DGKI: variants seen among roughly 807,000 people sequenced by gnomAD.
DGKI encodes DAG kinase iota.
DGKI carries 55 observed loss-of-function variants against 147.5 expected under a neutral mutation model. That is an observed-to-expected ratio of 0.37 (90% CI 0.30 to 0.47). DGKI has a LOEUF of 0.47. Among genes scored for constraint, DGKI ranks in the 20% least tolerant of loss-of-function variants. The pLI, the probability that DGKI is intolerant of heterozygous loss-of-function variation, is 1.00. For synonymous variants in DGKI, 469 were observed against 477.1 expected, an observed-to-expected ratio of 0.98 and a Z score of 0.22; for missense variants, 1,007 against 1,323.8, an observed-to-expected ratio of 0.76 and a Z score of 3.71.
intron 17 of DGKI, among the ~76,000 whole-genome samples, chr7:137,573,353 T>C (rs1818856698): frequency 6.6e-6 from 1 of 152,252 alleles, no homozygotes; most frequent in Non-Finnish European, 1.5e-5. Context: ...AAAAAGTCTA[T>C]GTACCGCAAA....
Position 137,779,282 on chromosome 7 carries a change from T to C in DGKI, c.401+67180A>G, listed in dbSNP as rs577857426. 1.5e-4 allele frequency among the ~76,000 whole-genome samples: 21 copies of C among 142,430 alleles called. No individual in the cohort carries two copies. The South Asian group carries it at 4.1e-3, about 28-fold the overall frequency. 93.4% of individuals were successfully genotyped at this position (142,430 alleles called of 152,430 possible). On this transcript the variant is annotated intron_variant, in intron 1 of 32. Transcript: ENST00000614521. The stretch of plus-strand genomic sequence containing the variant: ...ATGCTGGAACAGCTAGATGTTCATA[T>C]GGAAAAAAAAAGAATGAACCTCAAC...
chr7:137,400,236 T>C (rs116178816), intron 30 of DGKI, among the ~76,000 whole-genome samples: 1 of 152,334 alleles, frequency 6.6e-6, no homozygotes, highest in African/African-American at 2.4e-5. Context: ...ATGGTCCTCT[T>C]AAAGAGTGCC....
At chr7:137,636,574 A>C (rs983899925) in intron 6 of DGKI, among the ~76,000 whole-genome samples, 1 of 152,086 alleles carries the variant, frequency 6.6e-6, no homozygotes, top group African/African-American at 2.4e-5. Flanking sequence ...AGAGTCTTGG[A>C]AGCTGAAGGT....
At chr7:137,571,858 GA>G (rs1486684274) in intron 18 of DGKI, among the ~76,000 whole-genome samples, 1 of 151,936 alleles carries the variant, frequency 6.6e-6, no homozygotes, top group African/African-American at 2.4e-5. Flanking sequence ...AGAAAAGACA[GA>G]AGAAGGACAA....
intron 21 of DGKI, among the ~76,000 whole-genome samples, chr7:137,505,446 T>C (rs1448565829): frequency 6.6e-6 from 1 of 152,180 alleles, no homozygotes; most frequent in African/African-American, 2.4e-5. Context: ...TCTAATTCAT[T>C]CTGTCTTGAA....
chr7:137,475,401 G>A (rs1815135161), intron 23 of DGKI, among the ~76,000 whole-genome samples: 1 of 152,116 alleles, frequency 6.6e-6, no homozygotes, highest in African/African-American at 2.4e-5. Context: ...TGTCTTCAAG[G>A]CTGAATGTCT....
At chr7:137,427,098 T>G (rs1182356249) in intron 28 of DGKI, among the ~76,000 whole-genome samples, 1 of 151,800 alleles carries the variant, frequency 6.6e-6, no homozygotes, top group Non-Finnish European at 1.5e-5. Context: ...AGAATATACA[T>G]TTTTTTCAGC....
At chr7:137,572,935 C>A in intron 17 of DGKI, 97 bp from the exon 18 acceptor site, 1 of 803,792 alleles carries the variant, frequency 1.2e-6, no homozygotes, top group Middle Eastern at 2.6e-4. Context: ...ACCATGGTCT[C>A]TTTCTCCTTG....
intron 21 of DGKI, among the ~76,000 whole-genome samples, chr7:137,509,148 A>G (rs765781502): frequency 1.3e-5 from 2 of 152,214 alleles, no homozygotes; most frequent in African/African-American, 4.8e-5. Flanking sequence ...ATCAGATACA[A>G]TGGGTTGGCA....
intron 32 of DGKI, among the ~76,000 whole-genome samples, chr7:137,392,075 A>T (rs1451891391): frequency 6.6e-6 from 1 of 152,200 alleles, no homozygotes; most frequent in Non-Finnish European, 1.5e-5. Flanking sequence ...ATAAAAACAA[A>T]ACCACAATTC....
rs146028586 is a variant in DGKI, at chr7:137,842,460, G to C, written c.401+4002C>G. 4.0e-3 allele frequency among the ~76,000 whole-genome samples: 616 copies of C among 152,276 alleles called. 5 individuals are homozygous for C. Among genetic ancestry groups the C allele is most frequent in the African/African-American group, 0.014 (598 of 41,544 alleles). Reference sequence around the variant, plus strand: ...CATACCAAAAACTTCCTTTAAGAAAGGTTTAGTATTACCAGCATGGTTTAT... The same window carrying C: ...CATACCAAAAACTTCCTTTAAGAAACGTTTAGTATTACCAGCATGGTTTAT... On this transcript the variant is annotated intron_variant, in intron 1 of 32. Coordinates refer to ENST00000614521, the MANE Select transcript of DGKI (RefSeq NM_001321708.2).
At chr7:137,645,806 T>C (rs1284326246) in intron 5 of DGKI, among the ~76,000 whole-genome samples, 1 of 152,234 alleles carries the variant, frequency 6.6e-6, no homozygotes, top group African/African-American at 2.4e-5. Flanking sequence ...TAAACCATCA[T>C]CTAAGCCCAG....
At chr7:137,472,731 A>G (rs1279595289) in intron 23 of DGKI, among the ~76,000 whole-genome samples, 1 of 151,960 alleles carries the variant, frequency 6.6e-6, no homozygotes, top group Non-Finnish European at 1.5e-5. Context: ...TTATAGATCA[A>G]GACATTTGGA....
chr7:137,430,286 C>T (rs1192597926), intron 28 of DGKI, among the ~76,000 whole-genome samples: 1 of 151,694 alleles, frequency 6.6e-6, no homozygotes, highest in East Asian at 1.9e-4. Context: ...TCATCATTCT[C>T]AGTAAACTAT....
chr7:137,666,072 G>A (rs1278869376), intron 3 of DGKI, among the ~76,000 whole-genome samples: 2 of 152,190 alleles, frequency 1.3e-5, no homozygotes, highest in Non-Finnish European at 2.9e-5. Flanking sequence ...ACTACAGTCA[G>A]AACAGTACAG....
At chr7:137,678,782 T>C (rs1823128207) in intron 2 of DGKI, 130 bp from the exon 3 acceptor site, 2 of 765,868 alleles carry the variant, frequency 2.6e-6, no homozygotes, top group East Asian at 2.6e-5. Context: ...ATTTGACCAC[T>C]AAAAGTACTG....
At chr7:137,677,499 A>G (rs1010414946) in intron 3 of DGKI, among the ~76,000 whole-genome samples, 2 of 152,232 alleles carry the variant, frequency 1.3e-5, no homozygotes, top group Non-Finnish European at 2.9e-5. Flanking sequence ...TGAAATTTAT[A>G]AACAAGGAGT....
At chr7:137,632,128 A>C (rs796245468) in intron 6 of DGKI, among the ~76,000 whole-genome samples, 4 of 152,348 alleles carry the variant, frequency 2.6e-5, no homozygotes, top group African/African-American at 9.6e-5. Context: ...TGACCTAGAG[A>C]GCTATGGAAA....
chr7:137,640,247 CT>C (rs923333997), intron 6 of DGKI, among the ~76,000 whole-genome samples: 17 of 152,218 alleles, frequency 1.1e-4, no homozygotes, highest in Middle Eastern at 3.4e-3. Flanking sequence ...AGGACAAACA[CT>C]ACATGATGCC....
Sources: allele counts gnomAD v4.1 joint callset (sites outside exome capture counted in the v4.1 genomes callset), GRCh38; gene constraint gnomAD v4.1.1; transcripts MANE v1.5; gene names NCBI Gene and HGNC (gene_info 2026-07-23, HGNC 2026-07-21).